TNR: variants seen among roughly 807,000 people sequenced by gnomAD.
TNR encodes tenascin R, also known as tenascin-R.
In TNR, 45 loss-of-function variants were observed where a neutral mutation model predicts 150.4. The ratio of observed to expected loss-of-function variants is 0.30; its 90% CI spans 0.24 to 0.38. TNR has a LOEUF of 0.38. Ranked by LOEUF, TNR falls within the 10% of genes least tolerant of loss-of-function variation. The probability of loss-of-function intolerance (pLI) is 1.00; values close to 1 mark genes in which losing one functional copy is unlikely to be tolerated. For missense variants in TNR, 1,544 were observed against 1,759.1 expected (o/e 0.88, Z 2.19); for synonymous variants, 687 against 678.4 (o/e 1.01, Z -0.20).
At chr1:175,632,853 C>T (rs915510015) in intron 1 of TNR, among the ~76,000 whole-genome samples, 25 of 152,154 alleles carry the variant, frequency 1.6e-4, no homozygotes, top group Non-Finnish European at 1.5e-5. Context: ...GACTCAAATC[C>T]AGAACCTCAA....
chr1:175,697,269 C>T (rs1054227074), intron 1 of TNR, among the ~76,000 whole-genome samples: 5 of 151,830 alleles, frequency 3.3e-5, no homozygotes, highest in Non-Finnish European at 7.4e-5. Flanking sequence ...AAGAGGCTGG[C>T]CAAGAGAGAA....
At chr1:175,576,169 T>TG (rs1251287655) in intron 1 of TNR, among the ~76,000 whole-genome samples, 1 of 152,218 alleles carries the variant, frequency 6.6e-6, no homozygotes, top group East Asian at 1.9e-4. Flanking sequence ...GGGCCTGCTG[T>TG]GTGCAGCTGC....
At position 175,621,197 on chromosome 1, in the gene TNR, A is replaced by G. The variant is rs571318688; in HGVS notation, c.-164-92828T>C. ...GTATTGTGACCAACTGATGGGCATGATGTACTGTAATAGGACCCCTGCTCA... is the reference window on the plus strand; with the variant it reads ...GTATTGTGACCAACTGATGGGCATGGTGTACTGTAATAGGACCCCTGCTCA... On this transcript the variant is annotated intron_variant, in intron 1 of 22. Transcript: ENST00000367674. 5.3e-5 allele frequency among the ~76,000 whole-genome samples: 8 copies of G among 152,310 alleles called. No homozygotes were observed. The South Asian group carries it at 1.7e-3, about 32-fold the overall frequency.
At chr1:175,446,912 G>A (rs1334011787) in intron 2 of TNR, among the ~76,000 whole-genome samples, 1 of 152,126 alleles carries the variant, frequency 6.6e-6, no homozygotes, top group African/African-American at 2.4e-5. Flanking sequence ...TAATGGGCAT[G>A]CATGTATGTG....
rs146609257 is a variant in TNR at position 175,441,907 on chromosome 1, G to T, written c.-63-35130C>A. Among the ~76,000 whole-genome samples, 210 of 152,304 alleles carry T rather than the reference G, an allele frequency of 1.4e-3. 1 individual carries two copies. Among genetic ancestry groups the T allele is most frequent in the Middle Eastern group, 0.01 (3 of 294 alleles). On this transcript the variant is annotated intron_variant, in intron 2 of 22. Transcript: ENST00000367674. Reference sequence around the variant, plus strand: ...GTGGGGGTTAGATAAGCAAGGAAGAGGAGTGTGAATTACTAAAAAACAGAA... The same window carrying T: ...GTGGGGGTTAGATAAGCAAGGAAGATGAGTGTGAATTACTAAAAAACAGAA...
chr1:175,546,133 G>C (rs1660676763), intron 1 of TNR, among the ~76,000 whole-genome samples: 1 of 152,140 alleles, frequency 6.6e-6, no homozygotes, highest in Admixed American at 6.5e-5. Context: ...AGATTACAAG[G>C]GACGGCAGAA....
chr1:175,607,737 A>G (rs921209930), intron 1 of TNR, among the ~76,000 whole-genome samples: 26 of 152,252 alleles, frequency 1.7e-4, no homozygotes, highest in Admixed American at 1.6e-3. Context: ...GTTAAGCTCA[A>G]CTAGGTTCAA....
intron 1 of TNR, among the ~76,000 whole-genome samples, chr1:175,637,756 G>A (rs1182008222): frequency 1.3e-5 from 2 of 152,180 alleles, no homozygotes; most frequent in Non-Finnish European, 2.9e-5. Flanking sequence ...GGGGGGAAAT[G>A]TCAAATCTAA....
chr1:175,468,470 T>C (rs1254110324), intron 2 of TNR, among the ~76,000 whole-genome samples: 1 of 152,190 alleles, frequency 6.6e-6, no homozygotes, highest in Non-Finnish European at 1.5e-5. Flanking sequence ...GAGCACTTAT[T>C]ACATGCAATA....
chr1:175,651,040 A>C (rs866326119), intron 1 of TNR, among the ~76,000 whole-genome samples: 1 of 8,670 alleles, frequency 1.2e-4, no homozygotes, highest in African/African-American at 8.7e-4. Context: ...CCTCATTACT[A>C]CCCCTCCCCA....
chr1:175,579,928 C>A (rs908240584), intron 1 of TNR, among the ~76,000 whole-genome samples: 3 of 152,038 alleles, frequency 2.0e-5, no homozygotes, highest in Non-Finnish European at 4.4e-5. Flanking sequence ...GGCTATTGGT[C>A]CCCATGGCAA....
intron 1 of TNR, among the ~76,000 whole-genome samples, chr1:175,739,289 C>T (rs1420409226): frequency 6.6e-6 from 1 of 152,144 alleles, no homozygotes; most frequent in South Asian, 2.1e-4. Context: ...ATTTTAAGCT[C>T]TACTAAAGAT....
chr1:175,480,412 G>GAAA (rs1376870918), intron 2 of TNR, among the ~76,000 whole-genome samples: 1,925 of 97,778 alleles, frequency 0.02, 37 homozygotes, highest in African/African-American at 0.058. Context: ...AAAAAAGAAA[G>GAAA]AAAGAAAAAA....
At chr1:175,577,512 C>G (rs1201248913) in intron 1 of TNR, among the ~76,000 whole-genome samples, 3 of 152,172 alleles carry the variant, frequency 2.0e-5, no homozygotes, top group Non-Finnish European at 4.4e-5. Flanking sequence ...TCCATCTTCA[C>G]TAGATGTCTG....
intron 18 of TNR, among the ~76,000 whole-genome samples, chr1:175,346,462 A>C (rs1249642148): frequency 6.6e-6 from 1 of 152,122 alleles, no homozygotes; most frequent in Non-Finnish European, 1.5e-5. Context: ...AGGAGGGATA[A>C]ACAAACAGGA....
At chr1:175,467,555 G>A (rs1397931051) in intron 2 of TNR, among the ~76,000 whole-genome samples, 1 of 152,172 alleles carries the variant, frequency 6.6e-6, no homozygotes, top group Non-Finnish European at 1.5e-5. Context: ...TGTTTGATGG[G>A]CTTTGGCACA....
At chr1:175,694,858 TG>T (rs1056226795) in intron 1 of TNR, among the ~76,000 whole-genome samples, 15 of 152,214 alleles carry the variant, frequency 9.9e-5, no homozygotes, top group Admixed American at 7.9e-4. Context: ...GCTGACACCT[TG>T]ATCTCAGACT....
intron 1 of TNR, among the ~76,000 whole-genome samples, chr1:175,719,286 A>G (rs1667237563): frequency 6.6e-6 from 1 of 152,160 alleles, no homozygotes; most frequent in South Asian, 2.1e-4. Context: ...ATGATCTAAG[A>G]AGCTCAGGCT....
chr1:175,742,749 C>T (rs73037280), intron 1 of TNR, among the ~76,000 whole-genome samples: 8,708 of 152,158 alleles, frequency 0.057, 769 homozygotes, highest in African/African-American at 0.19. Flanking sequence ...CTCAGAGGTG[C>T]GTAACTTTTA....
Sources: allele counts gnomAD v4.1 joint callset (sites outside exome capture counted in the v4.1 genomes callset), GRCh38; gene constraint gnomAD v4.1.1; transcripts MANE v1.5; gene names NCBI Gene and HGNC (gene_info 2026-07-23, HGNC 2026-07-21).